The following ZFHX3 variants were observed in gnomAD, a reference collection of about 807,000 sequenced individuals.
ZFHX3 encodes the protein zinc finger homeobox protein 3.
Under a neutral mutation model 279.1 loss-of-function variants are expected in ZFHX3, and 42 were observed. The observed-to-expected ratio is 0.15, with a 90% CI of 0.12 to 0.19. The LOEUF is 0.19. Ranked by LOEUF, ZFHX3 falls within the 10% of genes least tolerant of loss-of-function variation. The pLI is 1.00. For synonymous variants in ZFHX3, 2,293 were observed against 1,957.8 expected, an observed-to-expected ratio of 1.17 and a Z score of -4.52; for missense variants, 4,981 against 4,754.0, an observed-to-expected ratio of 1.05 and a Z score of -1.40.
chr16:73,540,893 C>T (rs554923919), intron 2 of ZFHX3, among the ~76,000 whole-genome samples: 6 of 152,262 alleles, frequency 3.9e-5, no homozygotes, highest in South Asian at 2.1e-4. Context: ...GATGCAGGCA[C>T]GTACTGCTTG....
chr16:73,175,205 C>A (rs1344171938), intron 5 of ZFHX3, among the ~76,000 whole-genome samples: 1 of 152,036 alleles, frequency 6.6e-6, no homozygotes, highest in Non-Finnish European at 1.5e-5. Flanking sequence ...CATGGTGAAA[C>A]CCTGTCTCTA....
intron 5 of ZFHX3, among the ~76,000 whole-genome samples, chr16:73,203,875 G>C (rs1425729528): frequency 2.6e-5 from 4 of 152,216 alleles, no homozygotes; most frequent in Admixed American, 2.0e-4. Flanking sequence ...AGAGAGTTGG[G>C]TCTGGTGAGT....
chr16:73,368,570 A>T (rs1567462951), intron 3 of ZFHX3, among the ~76,000 whole-genome samples: 1 of 152,246 alleles, frequency 6.6e-6, no homozygotes, highest in African/African-American at 2.4e-5. Context: ...GAAAGATTAC[A>T]CTTAGACATA....
At chr16:72,802,866 T>C (rs771673237) in intron 7 of ZFHX3, among the ~76,000 whole-genome samples, 16 of 152,202 alleles carry the variant, frequency 1.1e-4, no homozygotes, top group African/African-American at 2.4e-4. Context: ...ACAGAGCCCA[T>C]TGAGGAGTCC....
At chr16:73,174,681 T>C (rs1967618827) in intron 5 of ZFHX3, among the ~76,000 whole-genome samples, 1 of 151,856 alleles carries the variant, frequency 6.6e-6, no homozygotes, top group Admixed American at 6.6e-5. Flanking sequence ...CCTGCCCCAT[T>C]GCAGTCCGCT....
At chr16:73,886,292 A>C (rs566069937) in intron 1 of ZFHX3, among the ~76,000 whole-genome samples, 3 of 152,272 alleles carry the variant, frequency 2.0e-5, no homozygotes, top group Admixed American at 6.5e-5. Context: ...AATATTATCA[A>C]ATTTTAAGAG....
intron 2 of ZFHX3, among the ~76,000 whole-genome samples, chr16:73,517,243 G>C (rs185802283): frequency 1.1e-4 from 16 of 152,222 alleles, no homozygotes; most frequent in African/African-American, 3.9e-4. Flanking sequence ...AAGCAATCTA[G>C]GCCATCCCTG....
Position 72,935,102 on chromosome 16 carries a change from T to C in ZFHX3, c.3216+15367A>G, listed in dbSNP as rs547359908. ...ATATGTATGTGCTGGGTCACTCATG[T>C]AAAATGCATTTCTTTTTAGATTATC... On this transcript the variant is annotated intron_variant, in intron 3 of 9. Coordinates refer to ENST00000268489, the MANE Select transcript of ZFHX3 (RefSeq NM_006885.4). 1.5e-4 allele frequency among the ~76,000 whole-genome samples: 23 copies of C among 152,382 alleles called. No homozygotes were observed. The South Asian group carries it at 4.1e-3, about 27-fold the overall frequency.
chr16:73,523,953 T>G (rs944245839), intron 2 of ZFHX3, among the ~76,000 whole-genome samples: 1 of 152,224 alleles, frequency 6.6e-6, no homozygotes, highest in African/African-American at 2.4e-5. Context: ...TTTCAAAATC[T>G]GTCATTTCAG....
intron 2 of ZFHX3, among the ~76,000 whole-genome samples, chr16:73,617,073 G>C (rs1488356394): frequency 6.6e-6 from 1 of 152,204 alleles, no homozygotes; most frequent in Non-Finnish European, 1.5e-5. Context: ...GCTGCAATGA[G>C]AGATTAGGTG....
intron 3 of ZFHX3, among the ~76,000 whole-genome samples, chr16:72,908,523 T>C (rs905324395): frequency 7.9e-5 from 12 of 152,156 alleles, no homozygotes; most frequent in African/African-American, 2.7e-4. Context: ...CAAAGAGGAA[T>C]TGATTACTTG....
chr16:72,900,339 G>T (rs1170045628), intron 3 of ZFHX3, among the ~76,000 whole-genome samples: 1 of 152,102 alleles, frequency 6.6e-6, no homozygotes, highest in East Asian at 1.9e-4. Context: ...TTGCTTATTT[G>T]TATCTCCAAT....
At chr16:73,512,885 T>A (rs1217515995) in intron 2 of ZFHX3, among the ~76,000 whole-genome samples, 2 of 152,160 alleles carry the variant, frequency 1.3e-5, no homozygotes, top group Non-Finnish European at 2.9e-5. Flanking sequence ...CTTCACTAAG[T>A]CAATAAGGAC....
intron 3 of ZFHX3, among the ~76,000 whole-genome samples, chr16:73,327,871 T>C (rs1239229460): frequency 6.6e-6 from 1 of 152,210 alleles, no homozygotes; most frequent in Non-Finnish European, 1.5e-5. Flanking sequence ...CTTGATGGTC[T>C]TGCTGGCCTG....
rs1021542787 is a variant in ZFHX3, at chr16:73,616,709, G to C, written c.-1547+63471C>G. On this transcript the variant is annotated intron_variant, in intron 2 of 17. Transcript: ENST00000641206. Reference sequence around the variant, plus strand: ...AGAAAGAATGGGAAAAGAAATCTTGGATGTTATTTATGATCCCCTTAGCAA... The same window carrying C: ...AGAAAGAATGGGAAAAGAAATCTTGCATGTTATTTATGATCCCCTTAGCAA... Among the ~76,000 whole-genome samples the C allele has an allele frequency of 2.0e-5, 3 of 152,060 alleles. No homozygotes were observed. In the East Asian group the frequency reaches 5.8e-4, roughly 29 times the overall value.
chr16:72,855,041 G>A (rs147557940), intron 4 of ZFHX3, among the ~76,000 whole-genome samples: 8 of 152,072 alleles, frequency 5.3e-5, no homozygotes, highest in African/African-American at 1.4e-4. Context: ...TCTACTGTAC[G>A]CAGAGATAAA....
intron 3 of ZFHX3, among the ~76,000 whole-genome samples, chr16:72,900,039 G>T (rs574892399): frequency 6.6e-6 from 1 of 151,158 alleles, no homozygotes; most frequent in African/African-American, 2.4e-5. Flanking sequence ...AACACACACA[G>T]GGCTGCCTTC....
At chr16:73,767,532 T>A (rs1034900847) in intron 1 of ZFHX3, among the ~76,000 whole-genome samples, 1 of 152,216 alleles carries the variant, frequency 6.6e-6, no homozygotes, top group African/African-American at 2.4e-5. Context: ...AAAAGAAGAA[T>A]TCTTTTTCTG....
chr16:72,957,199 G>A (rs779799438), intron 2 of ZFHX3, among the ~76,000 whole-genome samples: 8 of 152,166 alleles, frequency 5.3e-5, no homozygotes, highest in Non-Finnish European at 8.8e-5. Context: ...CTGGCCCCAC[G>A]TAGCCAGAGT....
Sources: gnomAD v4.1 joint callset for allele counts (sites outside exome capture counted in the v4.1 genomes callset) on GRCh38, gnomAD v4.1.1 for gene constraint, MANE v1.5 for transcripts, NCBI Gene and HGNC (gene_info 2026-07-23, HGNC 2026-07-21) for gene names.